Variants in RARB observed in about 807,000 individuals in gnomAD.
RARB encodes the protein retinoic acid receptor beta.
A neutral mutation model predicts 51.9 loss-of-function variants in RARB; 17 were observed. The ratio of observed to expected loss-of-function variants is 0.33; its 90% CI spans 0.22 to 0.49. The LOEUF (loss-of-function observed/expected upper bound fraction) is 0.49. RARB is among the 20% of genes least tolerant of loss of function. The probability of loss-of-function intolerance (pLI) is 0.99; values close to 1 mark genes in which losing one functional copy is unlikely to be tolerated. For missense variants in RARB, 369 were observed against 550.8 expected, an observed-to-expected ratio of 0.67 and a Z score of 3.30; for synonymous variants, 215 against 195.4, an observed-to-expected ratio of 1.10 and a Z score of -0.84.
chr3:25,056,564 A>G (rs1426129758), intron 2 of RARB, among the ~76,000 whole-genome samples: 2 of 152,158 alleles, frequency 1.3e-5, no homozygotes, highest in African/African-American at 2.4e-5. Context: ...CACATGTTTT[A>G]AAAGTTGGGA....
chr3:25,214,468 T>G (rs147530513), intron 5 of RARB, among the ~76,000 whole-genome samples: 50 of 152,274 alleles, frequency 3.3e-4, no homozygotes, highest in Admixed American at 5.9e-4. Flanking sequence ...AAAAATAAAT[T>G]TAAAATAACA....
intron 2 of RARB, among the ~76,000 whole-genome samples, chr3:25,041,081 C>A (rs1259959885): frequency 6.6e-6 from 1 of 152,134 alleles, no homozygotes; most frequent in Non-Finnish European, 1.5e-5. Context: ...ATTTTGCTTT[C>A]TTCTTACAAC....
At chr3:25,548,923 A>G (rs1282079913) in intron 3 of RARB, among the ~76,000 whole-genome samples, 4 of 152,154 alleles carry the variant, frequency 2.6e-5, no homozygotes, top group Admixed American at 1.3e-4. Context: ...GCTTGGCTCT[A>G]TATTTTGAGC....
intron 5 of RARB, among the ~76,000 whole-genome samples, chr3:25,309,115 T>A (rs1267624843): frequency 1.3e-5 from 2 of 150,618 alleles, no homozygotes; most frequent in Non-Finnish European, 2.9e-5. Context: ...CATTTCTGCG[T>A]GGACTGTGCC....
At chr3:25,111,021 C>T (rs1418479852) in intron 3 of RARB, among the ~76,000 whole-genome samples, 2 of 152,182 alleles carry the variant, frequency 1.3e-5, no homozygotes, top group African/African-American at 4.8e-5. Context: ...ATATTTCTAA[C>T]ATCTTGGCTC....
chr3:25,276,955 G>C (rs1468502884), intron 5 of RARB, among the ~76,000 whole-genome samples: 3 of 152,144 alleles, frequency 2.0e-5, no homozygotes, highest in African/African-American at 7.2e-5. Context: ...GATGAAAGTT[G>C]AGACAGGAAA....
At chr3:25,060,711 A>C (rs1698531781) in intron 3 of RARB, among the ~76,000 whole-genome samples, 1 of 152,008 alleles carries the variant, frequency 6.6e-6, no homozygotes, top group African/African-American at 2.4e-5. Flanking sequence ...AAAGTTTATC[A>C]TGGGAGTAGA....
At chr3:25,193,809 C>T (rs969494992) in intron 5 of RARB, among the ~76,000 whole-genome samples, 1 of 151,844 alleles carries the variant, frequency 6.6e-6, no homozygotes, top group Non-Finnish European at 1.5e-5. Context: ...TATAAACGTG[C>T]AATATTTACA....
chr3:25,127,988 G>A (rs535012787), intron 3 of RARB, among the ~76,000 whole-genome samples: 6 of 152,196 alleles, frequency 3.9e-5, no homozygotes, highest in Middle Eastern at 3.4e-3. Flanking sequence ...TATGGCAAAT[G>A]CATCTGATAG....
At chr3:24,958,218 A>C (rs1419867201) in intron 2 of RARB, among the ~76,000 whole-genome samples, 1 of 144,646 alleles carries the variant, frequency 6.9e-6, no homozygotes, top group East Asian at 2.2e-4. Flanking sequence ...AAAATCACAG[A>C]ATCTGAGGAA....
chr3:24,988,803 T>C (rs1027929724), intron 2 of RARB, among the ~76,000 whole-genome samples: 2 of 150,194 alleles, frequency 1.3e-5, no homozygotes, highest in African/African-American at 2.4e-5. Context: ...TGATGGCCAC[T>C]TATTATTTGT....
chr3:24,870,906 T>A (rs192359064), intron 2 of RARB, among the ~76,000 whole-genome samples: 1 of 152,264 alleles, frequency 6.6e-6, no homozygotes, highest in Non-Finnish European at 1.5e-5. Flanking sequence ...TCCCTTCTTT[T>A]CATTGTCTTA....
chr3:25,232,784 T>C (rs1028274009), intron 5 of RARB, among the ~76,000 whole-genome samples: 10 of 152,040 alleles, frequency 6.6e-5, no homozygotes, highest in Non-Finnish European at 1.2e-4. Context: ...AATCATTCTG[T>C]TTTTCACTTT....
chr3:25,229,260 T>A (rs1479391242), intron 5 of RARB, among the ~76,000 whole-genome samples: 1 of 152,146 alleles, frequency 6.6e-6, no homozygotes, highest in Non-Finnish European at 1.5e-5. Flanking sequence ...TTCTATTCTA[T>A]TTTTTATTCC....
At chr3:24,875,314 G>A (rs1219795737) in intron 2 of RARB, among the ~76,000 whole-genome samples, 1 of 152,088 alleles carries the variant, frequency 6.6e-6, no homozygotes, top group Non-Finnish European at 1.5e-5. Flanking sequence ...TGTAAGCCTG[G>A]CTTAGGCCAT....
In RARB at chr3:25,020,106, A is replaced by T. The variant is rs869056022; in HGVS notation, c.-379-40019A>T. 6.2e-3 allele frequency: 39 copies of T among 6,290 alleles called. 1 individual carries two copies. Among genetic ancestry groups the T allele is most frequent in the African/African-American group, 0.021 (34 of 1,654 alleles). 0.4% of individuals were successfully genotyped at this position (6,290 alleles called of 1,614,324 possible). ...GTACAGATGTATACTCAAGTTCTCTATTATTATTATTATTATTATTATTAT... is the reference window on the plus strand; with the variant it reads ...GTACAGATGTATACTCAAGTTCTCTTTTATTATTATTATTATTATTATTAT... On this transcript the variant is annotated intron_variant, in intron 2 of 11. Coordinates refer to the RARB transcript ENST00000383772.
chr3:24,943,983 A>C (rs777466086), intron 2 of RARB, among the ~76,000 whole-genome samples: 3 of 152,212 alleles, frequency 2.0e-5, no homozygotes, highest in Non-Finnish European at 2.9e-5. Flanking sequence ...AGAGTGAATA[A>C]TAATATTGTG....
In RARB at chr3:24,867,968, C is replaced by T. The variant is rs184660847; in HGVS notation, c.-380+9216C>T. Among the ~76,000 whole-genome samples the T allele has an allele frequency of 1.0e-3, 155 of 152,176 alleles. 1 individual carries two copies. Among genetic ancestry groups the T allele is most frequent in the South Asian group, 2.3e-3 (11 of 4,816 alleles). Reference sequence around the variant, plus strand: ...AAAGTGCTCACTGAGATAACAGATGCCCATATTGAAGTGATCAGGGTTGGA... The same window carrying T: ...AAAGTGCTCACTGAGATAACAGATGTCCATATTGAAGTGATCAGGGTTGGA... On this transcript the variant is annotated intron_variant, in intron 2 of 11. Coordinates refer to the RARB transcript ENST00000383772.
intron 2 of RARB, among the ~76,000 whole-genome samples, chr3:25,051,595 A>ACATT (rs5847339): frequency 0.69 from 104,258 of 151,664 alleles, 36,303 homozygotes; most frequent in Non-Finnish European, 0.73. Flanking sequence ...ATAAGACTAC[A>ACATT]CATTCAATTT....
Sources: allele counts gnomAD v4.1 joint callset (sites outside exome capture counted in the v4.1 genomes callset), GRCh38; gene constraint gnomAD v4.1.1; transcripts MANE v1.5; gene names NCBI Gene and HGNC (gene_info 2026-07-23, HGNC 2026-07-21).